The following MUC3A variants were observed in gnomAD, a reference collection of about 807,000 sequenced individuals.
MUC3A encodes mucin 3A, cell surface associated.
A neutral mutation model predicts 109.0 loss-of-function variants in MUC3A; 109 were observed. The observed-to-expected ratio is 1.00, with a 90% CI of 0.86 to 1.17. The LOEUF (loss-of-function observed/expected upper bound fraction) is 1.17. MUC3A is among the 50% of genes most tolerant of loss of function. The pLI, the probability that MUC3A is intolerant of heterozygous loss-of-function variation, is 0.00. For synonymous variants in MUC3A, 1,398 were observed against 981.4 expected, an observed-to-expected ratio of 1.42 and a Z score of -7.93; for missense variants, 3,537 against 2,469.4, an observed-to-expected ratio of 1.43 and a Z score of -9.16.
chr7:100,966,510 G>C lies in MUC3A; in HGVS notation c.9736G>C (p.Gly3246Arg). Residue 3246 changes from glycine to arginine, a missense_variant, in exon 9 of 12, where the codon GGC becomes CGC. Physicochemically the swap from Gly to Arg is moderately radical, Grantham distance 125 (BLOSUM62 -2). Transcript: ENST00000379458. ...GCTGGTGCTGCTGCTGCTGGCGCTGGGCGTCCGGGCGGTGCGCTCCGGATG... is the reference window on the plus strand; with the variant it reads ...GCTGGTGCTGCTGCTGCTGGCGCTGCGCGTCCGGGCGGTGCGCTCCGGATG... ...ALLVLLLLAL[G>R]VRAVRSGWWG... 2.3e-6 allele frequency: 3 copies of C among 1,300,222 alleles called. No homozygotes were observed. Among genetic ancestry groups the C allele is most frequent in the Non-Finnish European group, 2.9e-6 (3 of 1,033,604 alleles). 80.5% of individuals were successfully genotyped at this position (1,300,222 alleles called of 1,614,324 possible).
rs1032151247 is a variant in MUC3A at position 100,951,818 on chromosome 7, C to T, written c.62-23C>T. The stretch of plus-strand genomic sequence containing the variant: ...TGACCCACGGATTTACCAGTGGATT[C>T]CTCTGCTCTGCCGCCAATGCAGGAA... On this transcript the variant is annotated intron_variant, in intron 1 of 11. Transcript: ENST00000379458. 4 of 1,592,488 alleles carry T rather than the reference C, an allele frequency of 2.5e-6. No homozygotes were observed. The African/African-American group carries it at 4.0e-5, about 16-fold the overall frequency.
intron 8 of MUC3A, 183 bp downstream of exon 8, chr7:100,966,049 T>TCGCCCTAAAGTGTAGCCCTGCCTCC: frequency 2.3e-6 from 2 of 855,048 alleles, no homozygotes; most frequent in Non-Finnish European, 3.4e-6. Context: ...GCTCTGCTCC[T>TCGCCCTAAAGTGTAGCCCTGCCTCC]TTGATGGGGT....
chr7:100,951,554 C>T (rs78112056), intron 1 of MUC3A, among the ~76,000 whole-genome samples: 2 of 282 alleles, frequency 7.1e-3, no homozygotes, highest in African/African-American at 0.033. Context: ...GAGGCTCTGC[C>T]CAGCTCGGCT....
chr7:100,957,758 TTCTTTGATC>T lies in MUC3A; in HGVS notation c.5980_5988del (p.Ser1994_Ile1996del). On this transcript the variant is annotated inframe_deletion, in exon 2 of 12. Transcript: ENST00000379458. ...CCTCACACAGTACTCCCAGCTACAC[TTCTTTGATC>T]ACCACAACCACCACCACCTCACACA... is the stretch of plus-strand genomic sequence containing the variant. 1.7e-6 allele frequency: 2 copies of T among 1,197,046 alleles called. No homozygotes were observed. The highest frequency in any genetic ancestry group is 2.6e-5 in the South Asian group (2 of 76,494). The allele number at this position is 1,197,046 out of a possible 1,614,324, so 74.2% of individuals were successfully genotyped here.
rs1011617207 is a variant in MUC3A at position 100,958,422 on chromosome 7, C to G, written c.6643C>G (p.Pro2215Ala). The G allele has an allele frequency of 8.0e-7, 1 of 1,254,150 alleles. No homozygotes were observed. Among genetic ancestry groups the G allele is most frequent in the Non-Finnish European group, 1.0e-6 (1 of 980,660 alleles). The allele number at this position is 1,254,150 out of a possible 1,614,324, so 77.7% of individuals were successfully genotyped here. A position where few individuals can be genotyped will look rare whatever the true frequency, so the allele number is the denominator to read the frequency against. ...YITSITTTET[P>A]SSSTPSFSSS... Reference sequence around the variant, plus strand: ...TACCTCAATCACCACCACCGAGACCCCCTCAAGCAGTACTCCCAGCTTCAG... The same window carrying G: ...TACCTCAATCACCACCACCGAGACCGCCTCAAGCAGTACTCCCAGCTTCAG... The change falls in exon 2 of 12, where the codon CCC becomes GCC. Residue 2215 changes from proline to alanine, a missense_variant. Physicochemically the swap from Pro to Ala is conservative, Grantham distance 27. Coordinates refer to ENST00000379458, the MANE Select transcript of MUC3A (RefSeq NM_005960.2).
chr7:100,966,390 T>G lies in MUC3A; in HGVS notation c.9616T>G (p.Tyr3206Asp). The change falls in exon 9 of 12, where the codon TAC becomes GAC. Residue 3206 changes from tyrosine to aspartate, a missense_variant. By Grantham distance (160) the Tyr-to-Asp change is radical. Coordinates refer to ENST00000379458, the MANE Select transcript of MUC3A (RefSeq NM_005960.2). ...LETSGPTCRC[Y>D]STDTHWFSGP... Reference sequence around the variant, plus strand: ...TGACCCTGCGATCTCCCGCAGCTGCTACTCCACCGACACGCACTGGTTCTC... The same window carrying G: ...TGACCCTGCGATCTCCCGCAGCTGCGACTCCACCGACACGCACTGGTTCTC... 7.5e-7 allele frequency: 1 copy of G among 1,335,862 alleles called. No homozygotes were observed. The allele number at this position is 1,335,862 out of a possible 1,614,324, so 82.8% of individuals were successfully genotyped here.
In MUC3A at chr7:100,967,860, T is replaced by C. The variant is rs879107362; in HGVS notation, c.*698T>C. ...GTCTTAGGATACCCAGGTGCTGTTC[T>C]CCCCGTCACCCCGTTGCCCAGTTCC... On this transcript the variant is annotated 3_prime_UTR_variant, in exon 12 of 12. Coordinates refer to ENST00000379458, the MANE Select transcript of MUC3A (RefSeq NM_005960.2). The C allele has an allele frequency of 0.83, 124,493 of 150,186 alleles. 49,682 individuals are homozygous for C. Among genetic ancestry groups the C allele is most frequent in the East Asian group, 1 (5,148 of 5,158 alleles). The allele number at this position is 150,186 out of a possible 1,614,324, so 9.3% of individuals were successfully genotyped here. A position where few individuals can be genotyped will look rare whatever the true frequency, so the allele number is the denominator to read the frequency against.
rs200149932 is a variant in MUC3A at position 100,952,240 on chromosome 7, C to G, written c.461C>G (p.Thr154Ser). 9 of 1,598,496 alleles carry G rather than the reference C, an allele frequency of 5.6e-6. No homozygotes were observed. In the East Asian group the frequency reaches 1.6e-4, roughly 28 times the overall value. Residue 154 changes from threonine (T) to serine (S), a missense_variant, in exon 2 of 12, where the codon ACC becomes AGC. Physicochemically the swap from Thr to Ser is moderately conservative, Grantham distance 58 (BLOSUM62 1). Transcript: ENST00000379458. ...GTGACCACGACGCAGGTGGCCTTCA[C>G]CAGCTCTTACACCTCGACTCCCGTG... ...ICVTTTQVAF[T>S]SSYTSTPVTQ...
chr7:100,966,048 C>CA, intron 8 of MUC3A, 182 bp downstream of exon 8: 3 of 921,746 alleles, frequency 3.3e-6, no homozygotes, highest in Non-Finnish European at 4.6e-6. Context: ...AGCTCTGCTC[C>CA]TTTGATGGGG....
chr7:100,965,170 G>C, intron 6 of MUC3A, 112 bp from the exon 7 acceptor site: 4 of 1,483,982 alleles, frequency 2.7e-6, no homozygotes, highest in Non-Finnish European at 3.6e-6. Context: ...TCTCCCAGAC[G>C]GAGAGAGCCC....
chr7:100,963,849 A>C, intron 5 of MUC3A, 97 bp downstream of exon 5: 1 of 1,542,134 alleles, frequency 6.5e-7, no homozygotes, highest in Non-Finnish European at 8.8e-7. Flanking sequence ...ATCAGATTTT[A>C]TAAAGAGGGG....
At position 100,949,595 on chromosome 7, in the gene MUC3A, T is replaced by G; in HGVS notation, c.-30T>G. 2 of 1,436,730 alleles carry G rather than the reference T, an allele frequency of 1.4e-6. No individual in the cohort carries two copies. The highest frequency in any genetic ancestry group is 2.6e-5 in the South Asian group (2 of 78,332). 89.0% of individuals were successfully genotyped at this position (1,436,730 alleles called of 1,614,324 possible). On this transcript the variant is annotated 5_prime_UTR_variant, in exon 1 of 12. Coordinates refer to ENST00000379458, the MANE Select transcript of MUC3A (RefSeq NM_005960.2). Reference sequence around the variant, plus strand: ...GCCGCTGTCTTGGTCCTGAAGCCTGTTCTGCCCCAGCCCCCTGCCCGCTGG... The same window carrying G: ...GCCGCTGTCTTGGTCCTGAAGCCTGGTCTGCCCCAGCCCCCTGCCCGCTGG...
Position 100,956,010 on chromosome 7 carries a change from A to T in MUC3A, c.4231A>T (p.Asn1411Tyr), listed in dbSNP as rs1792086505. 4.0e-6 allele frequency: 2 copies of T among 496,226 alleles called. No homozygotes were observed. Among genetic ancestry groups the T allele is most frequent in the Non-Finnish European group, 7.1e-6 (2 of 280,496 alleles). The allele number at this position is 496,226 out of a possible 1,614,324, so 30.7% of individuals were successfully genotyped here. ...RTTTSWPTAT[N>Y]TLSPLTSSIL... is the part of the protein sequence containing the mutation. ...TACGACCTCTTGGCCCACAGCCACT[A>T]ATACGTTATCACCACTCACCAGTAG... The change falls in exon 2 of 12, where the codon AAT (asparagine) becomes TAT (tyrosine). Residue 1411 changes from asparagine (N) to tyrosine (Y), a missense_variant. By Grantham distance (143) the Asn-to-Tyr change is moderately radical (BLOSUM62 -2). Coordinates refer to ENST00000379458, the MANE Select transcript of MUC3A (RefSeq NM_005960.2).
intron 3 of MUC3A, among the ~76,000 whole-genome samples, chr7:100,961,922 A>G (rs1792344331): frequency 1.3e-5 from 2 of 152,310 alleles, no homozygotes; most frequent in Admixed American, 6.5e-5. Flanking sequence ...AGCCTGGGCA[A>G]CACAGCGAGA....
chr7:100,953,045 C>G lies in MUC3A; in HGVS notation c.1266C>G (p.Pro422=). 1 of 1,500,406 alleles carries G rather than the reference C, an allele frequency of 6.7e-7. No individual in the cohort carries two copies. Among genetic ancestry groups the G allele is most frequent in the South Asian group, 1.1e-5 (1 of 89,094 alleles). The allele number at this position is 1,500,406 out of a possible 1,614,324, so 92.9% of individuals were successfully genotyped here. A position where few individuals can be genotyped will look rare whatever the true frequency, so the allele number is the denominator to read the frequency against. The change falls in exon 2 of 12, where the codon CCC becomes CCG. Residue 422 remains proline (P), a synonymous_variant. Transcript: ENST00000379458. ...STSTTAISSL[P]PTSGTMVTST... The stretch of plus-strand genomic sequence containing the variant: ...CCACAACTGCCATCTCCTCACTTCC[C>G]CCTACCTCAGGTACTATGGTGACTT...
At chr7:100,963,644 G>T in intron 4 of MUC3A, 44 bp from the exon 5 acceptor site, 1 of 1,598,302 alleles carries the variant, frequency 6.3e-7, no homozygotes, top group Non-Finnish European at 8.5e-7. Context: ...GTCCCCTCAG[G>T]TCTGCAGGTT....
Position 100,958,901 on chromosome 7 carries a change from C to G in MUC3A, c.7122C>G (p.Ser2374Arg), listed in dbSNP as rs777441342. Residue 2374 changes from serine (S) to arginine (R), a missense_variant, in exon 2 of 12, where the codon AGC becomes AGG. Physicochemically the swap from Ser to Arg is moderately radical, Grantham distance 110 (BLOSUM62 -1). Transcript: ENST00000379458. ...AGACCACCTCACACAGTACTCCCAG[C>G]TTCAGTTCTTCAATCACCACCACTG... is the stretch of plus-strand genomic sequence containing the variant. ...TTETTSHSTP[S>R]FSSSITTTET... 12 of 1,514,686 alleles carry G rather than the reference C, an allele frequency of 7.9e-6. No homozygotes were observed. The East Asian group carries it at 2.4e-4, about 30-fold the overall frequency. 93.8% of individuals were successfully genotyped at this position (1,514,686 alleles called of 1,614,324 possible). A position where few individuals can be genotyped will look rare whatever the true frequency, so the allele number is the denominator to read the frequency against.
intron 7 of MUC3A, 96 bp downstream of exon 7, chr7:100,965,443 T>TG: frequency 6.7e-7 from 1 of 1,493,838 alleles, no homozygotes; most frequent in Non-Finnish European, 8.9e-7. Context: ...GGGAGAGACC[T>TG]TTGGGGGAGG....
In MUC3A at chr7:100,949,609, C is replaced by T. The variant is rs1223633992; in HGVS notation, c.-16C>T. 6.5e-7 allele frequency: 1 copy of T among 1,546,028 alleles called. No homozygotes were observed. The highest frequency in any genetic ancestry group is 8.7e-7 in the Non-Finnish European group (1 of 1,153,034). On this transcript the variant is annotated 5_prime_UTR_variant, in exon 1 of 12. Transcript: ENST00000379458. ...CCTGAAGCCTGTTCTGCCCCAGCCCCCTGCCCGCTGGGCCCATGCAGCTGT... is the reference window on the plus strand; with the variant it reads ...CCTGAAGCCTGTTCTGCCCCAGCCCTCTGCCCGCTGGGCCCATGCAGCTGT...
Sources: allele counts gnomAD v4.1 joint callset (sites outside exome capture counted in the v4.1 genomes callset), GRCh38; gene constraint gnomAD v4.1.1; transcripts MANE v1.5; gene names NCBI Gene and HGNC (gene_info 2026-07-23, HGNC 2026-07-21).